Variants in PSD3 observed in about 807,000 individuals in gnomAD.
The protein encoded by PSD3 is pleckstrin and Sec7 domain containing 3.
PSD3 carries 49 observed loss-of-function variants against 105.5 expected under a neutral mutation model. The ratio of observed to expected loss-of-function variants is 0.46; its 90% confidence interval spans 0.37 to 0.59. The LOEUF is 0.59. Ranked by LOEUF, PSD3 falls within the 20% of genes least tolerant of loss-of-function variation. The pLI is 0.00. For synonymous variants in PSD3, 557 were observed against 457.8 expected (o/e 1.22, Z -2.77); for missense variants, 1,561 against 1,263.8 (o/e 1.24, Z -3.57).
At chr8:19,057,539 T>G (rs1828750408) in intron 1 of PSD3, among the ~76,000 whole-genome samples, 1 of 152,172 alleles carries the variant, frequency 6.6e-6, no homozygotes, top group Non-Finnish European at 1.5e-5. Flanking sequence ...TATTGAAATA[T>G]TTCATACTGG....
chr8:19,035,723 C>T (rs1563522239), intron 1 of PSD3, among the ~76,000 whole-genome samples: 1 of 150,514 alleles, frequency 6.6e-6, no homozygotes, highest in Non-Finnish European at 1.5e-5. Flanking sequence ...TAGTGATGAC[C>T]AAAATATCCC....
chr8:18,783,919 A>T (rs1808877726), intron 8 of PSD3, among the ~76,000 whole-genome samples: 1 of 152,208 alleles, frequency 6.6e-6, no homozygotes, highest in Non-Finnish European at 1.5e-5. Flanking sequence ...GAGCCACTGC[A>T]ACCGGCCAAC....
At chr8:18,578,267 C>A (rs543351912) in intron 12 of PSD3, among the ~76,000 whole-genome samples, 1 of 152,050 alleles carries the variant, frequency 6.6e-6, no homozygotes, top group Admixed American at 6.5e-5. Flanking sequence ...CCTTATTCTC[C>A]CTTATGTAAC....
intron 9 of PSD3, among the ~76,000 whole-genome samples, chr8:18,662,956 G>T (rs919904011): frequency 6.6e-6 from 1 of 152,190 alleles, no homozygotes; most frequent in Non-Finnish European, 1.5e-5. Flanking sequence ...TGAGGTGGGG[G>T]AAGGGGAGCA....
At chr8:18,851,031 C>A (rs1313267547) in intron 4 of PSD3, among the ~76,000 whole-genome samples, 1 of 152,192 alleles carries the variant, frequency 6.6e-6, no homozygotes, top group African/African-American at 2.4e-5. Context: ...CACCAGACAG[C>A]TACAACTGTT....
intron 9 of PSD3, among the ~76,000 whole-genome samples, chr8:18,702,254 C>T (rs989284569): frequency 4.6e-5 from 7 of 152,158 alleles, no homozygotes; most frequent in African/African-American, 1.7e-4. Flanking sequence ...CACATTCTCC[C>T]GGATGACTTC....
intron 2 of PSD3, among the ~76,000 whole-genome samples, chr8:18,889,905 A>T (rs1485663790): frequency 1.3e-5 from 2 of 152,238 alleles, no homozygotes; most frequent in Non-Finnish European, 2.9e-5. Context: ...AGTGCTTTCC[A>T]AAGTTTAGTT....
intron 11 of PSD3, among the ~76,000 whole-genome samples, chr8:18,617,298 A>G (rs980030870): frequency 4.7e-4 from 72 of 152,164 alleles, no homozygotes; most frequent in African/African-American, 1.7e-3. Context: ...TGGGAGGCTG[A>G]GGTGGGTGAA....
chr8:18,871,065 C>G (rs1032454370), intron 3 of PSD3, among the ~76,000 whole-genome samples: 15 of 152,186 alleles, frequency 9.9e-5, no homozygotes, highest in Non-Finnish European at 1.9e-4. Flanking sequence ...CACCACCATA[C>G]TCCGGCCCGG....
At position 18,535,702 on chromosome 8, in the gene PSD3, A is replaced by G. The variant is rs377611134; in HGVS notation, c.*41T>C. 10 of 1,502,732 alleles carry G rather than the reference A, an allele frequency of 6.7e-6. No individual in the cohort carries two copies. In the African/African-American group the frequency reaches 8.3e-5, roughly 12 times the overall value. The allele number at this position is 1,502,732 out of a possible 1,614,324, so 93.1% of individuals were successfully genotyped here. On this transcript the variant is annotated 3_prime_UTR_variant, in exon 16 of 16. Coordinates refer to ENST00000327040, the MANE Select transcript of PSD3 (RefSeq NM_015310.4). ...TACCAGAAAGATCTTGAAAAACCCT[A>G]TTTTGCTCCATGACCAGCACTTCCT...
chr8:18,568,372 G>A (rs1801926180), intron 14 of PSD3, among the ~76,000 whole-genome samples: 1 of 152,102 alleles, frequency 6.6e-6, no homozygotes. Flanking sequence ...GCCTTAGTCT[G>A]CTTCTGAGCT....
chr8:18,971,174 C>T (rs1824628119), intron 1 of PSD3, among the ~76,000 whole-genome samples: 1 of 152,078 alleles, frequency 6.6e-6, no homozygotes, highest in Admixed American at 6.5e-5. Flanking sequence ...AAATTAAAAA[C>T]AAAATGGACT....
chr8:18,650,217 T>C (rs550271211), intron 10 of PSD3, among the ~76,000 whole-genome samples: 1 of 152,238 alleles, frequency 6.6e-6, no homozygotes, highest in East Asian at 1.9e-4. Flanking sequence ...CTCATGCAGA[T>C]ACATTTTAAA....
At chr8:18,784,579 C>A (rs1361966572) in intron 8 of PSD3, among the ~76,000 whole-genome samples, 1 of 152,164 alleles carries the variant, frequency 6.6e-6, no homozygotes, top group African/African-American at 2.4e-5. Context: ...TCTGACCAAT[C>A]AGCTATAAAT....
At chr8:18,581,568 CTA>C (rs1563344574) in intron 12 of PSD3, among the ~76,000 whole-genome samples, 1 of 152,172 alleles carries the variant, frequency 6.6e-6, no homozygotes, top group African/African-American at 2.4e-5. Flanking sequence ...ATCACAAGCT[CTA>C]TCTCAGAGAG....
At chr8:18,645,028 G>A (rs999071087) in intron 10 of PSD3, among the ~76,000 whole-genome samples, 4 of 152,270 alleles carry the variant, frequency 2.6e-5, no homozygotes, top group East Asian at 1.9e-4. Context: ...GCAAGAGAGC[G>A]AGTTGGGGAT....
At chr8:18,595,590 T>A (rs916423050) in intron 12 of PSD3, among the ~76,000 whole-genome samples, 2 of 151,122 alleles carry the variant, frequency 1.3e-5, no homozygotes, top group African/African-American at 4.9e-5. Context: ...ATGGAAAAAA[T>A]ATTGCATGCA....
chr8:18,705,645 T>A (rs975500137), intron 9 of PSD3, among the ~76,000 whole-genome samples: 103 of 152,226 alleles, frequency 6.8e-4, no homozygotes, highest in African/African-American at 2.2e-3. Flanking sequence ...TGTAAAGATC[T>A]TTTTAGTATA....
intron 11 of PSD3, among the ~76,000 whole-genome samples, chr8:18,615,704 T>C (rs1366797771): frequency 2.0e-5 from 3 of 152,130 alleles, no homozygotes; most frequent in Non-Finnish European, 4.4e-5. Context: ...TTAAAATAAA[T>C]GTAAGGTTAA....
Sources: gnomAD v4.1 joint callset for allele counts (sites outside exome capture counted in the v4.1 genomes callset) on GRCh38, gnomAD v4.1.1 for gene constraint, MANE v1.5 for transcripts, NCBI Gene and HGNC (gene_info 2026-07-23, HGNC 2026-07-21) for gene names.